GTF2IRD1: variants seen among roughly 807,000 people sequenced by gnomAD.
GTF2IRD1 encodes GTF2I repeat domain containing 1, also known as general transcription factor II-I repeat domain-containing protein 1.
GTF2IRD1 carries 26 observed loss-of-function variants against 113.2 expected under a neutral mutation model. The ratio of observed to expected loss-of-function variants is 0.23; its 90% CI spans 0.17 to 0.32. The LOEUF is 0.32. Ranked by LOEUF, GTF2IRD1 falls within the 10% of genes least tolerant of loss-of-function variation. GTF2IRD1 has a pLI of 1.00. For missense variants in GTF2IRD1, 864 were observed against 1,280.8 expected, an observed-to-expected ratio of 0.67 and a Z score of 4.97; for synonymous variants, 484 against 529.1, an observed-to-expected ratio of 0.91 and a Z score of 1.17.
chr7:74,490,771 C>T (rs1050850182), intron 1 of GTF2IRD1, among the ~76,000 whole-genome samples: 19 of 151,834 alleles, frequency 1.3e-4, no homozygotes, highest in African/African-American at 3.9e-4. Context: ...ATCACAGAGA[C>T]GCTTCTCTGG....
chr7:74,555,341 TC>T lies in GTF2IRD1; in HGVS notation c.1967-93del. ...TGCTCCCATCCTGGCCCTGGCATTC[TC>T]CCCACACCCCCACATTGGGTTTCCC... is the stretch of plus-strand genomic sequence containing the variant. On this transcript the variant is annotated intron_variant, in intron 18 of 26. Coordinates refer to ENST00000424337, the MANE Select transcript of GTF2IRD1 (RefSeq NM_005685.4). The surrounding 1 kb of genome is among the most constrained non-coding windows in gnomAD (Gnocchi z 5.3). 6.8e-7 allele frequency: 1 copy of T among 1,463,064 alleles called. No homozygotes were observed. Among genetic ancestry groups the T allele is most frequent in the Non-Finnish European group, 9.6e-7 (1 of 1,044,066 alleles). 90.6% of individuals were successfully genotyped at this position (1,463,064 alleles called of 1,614,324 possible).
chr7:74,461,728 G>T (rs1240127995), intron 1 of GTF2IRD1, among the ~76,000 whole-genome samples: 3 of 152,080 alleles, frequency 2.0e-5, no homozygotes, highest in African/African-American at 7.2e-5. Flanking sequence ...ATGGGTGCAT[G>T]CCACCTCGCC....
At chr7:74,562,555 CTTTTT>C (rs1167468655) in intron 22 of GTF2IRD1, among the ~76,000 whole-genome samples, 1 of 62,702 alleles carries the variant, frequency 1.6e-5, no homozygotes, top group African/African-American at 8.0e-5. Flanking sequence ...CAATTGCCCT[CTTTTT>C]TTTTTTTTTT....
chr7:74,464,377 TG>T (rs1474506077), intron 1 of GTF2IRD1, among the ~76,000 whole-genome samples: 1 of 151,154 alleles, frequency 6.6e-6, no homozygotes, highest in African/African-American at 2.5e-5. Flanking sequence ...TGGAGCTTCC[TG>T]GGTGATCACA....
chr7:74,562,279 A>G (rs587728152), intron 22 of GTF2IRD1, among the ~76,000 whole-genome samples: 1 of 152,300 alleles, frequency 6.6e-6, no homozygotes, highest in South Asian at 2.1e-4. Flanking sequence ...CAGGTGTCCC[A>G]GGGCAGGTGG....
chr7:74,501,764 G>T (rs1451529844), intron 1 of GTF2IRD1, among the ~76,000 whole-genome samples: 1 of 152,138 alleles, frequency 6.6e-6, no homozygotes, highest in Non-Finnish European at 1.5e-5. Flanking sequence ...CGATTCTCCT[G>T]TCTCAGCCAC....
intron 22 of GTF2IRD1, among the ~76,000 whole-genome samples, chr7:74,574,991 G>A (rs1554364021): frequency 6.6e-6 from 1 of 152,118 alleles, no homozygotes. Context: ...TTGGGAGGCT[G>A]AGGCAGGAGA....
At chr7:74,525,113 T>C (rs1554346954) in intron 8 of GTF2IRD1, among the ~76,000 whole-genome samples, 1 of 152,270 alleles carries the variant, frequency 6.6e-6, no homozygotes, top group South Asian at 2.1e-4. Context: ...GTTGGCCTCA[T>C]GTGCAAGTCC....
chr7:74,565,609 G>A (rs999957503), intron 22 of GTF2IRD1, among the ~76,000 whole-genome samples: 8 of 152,076 alleles, frequency 5.3e-5, no homozygotes, highest in Admixed American at 3.9e-4. Flanking sequence ...TGACTAAGGC[G>A]GGAGAAACCC....
intron 1 of GTF2IRD1, among the ~76,000 whole-genome samples, chr7:74,456,233 GC>G (rs1476562689): frequency 2.0e-5 from 3 of 152,164 alleles, no homozygotes; most frequent in African/African-American, 4.8e-5. Flanking sequence ...TTTGGTGACA[GC>G]TTGGTTGTTG....
intron 1 of GTF2IRD1, among the ~76,000 whole-genome samples, chr7:74,480,486 C>T (rs782697106): frequency 6.6e-6 from 1 of 152,220 alleles, no homozygotes; most frequent in Non-Finnish European, 1.5e-5. Context: ...GGAGAGTCCC[C>T]GCCGGCTGAC....
At chr7:74,568,616 C>G (rs1800488958) in intron 22 of GTF2IRD1, among the ~76,000 whole-genome samples, 1 of 151,970 alleles carries the variant, frequency 6.6e-6, no homozygotes, top group African/African-American at 2.4e-5. Context: ...CCACTGCACT[C>G]CAGCCTGTGC....
chr7:74,545,415 T>C (rs1460156696), intron 15 of GTF2IRD1, among the ~76,000 whole-genome samples: 4 of 152,034 alleles, frequency 2.6e-5, no homozygotes, highest in Non-Finnish European at 4.4e-5. Context: ...TTTGCAGGCT[T>C]AGTGGGTACC....
intron 1 of GTF2IRD1, among the ~76,000 whole-genome samples, chr7:74,470,253 GAGAT>G (rs1451040746): frequency 6.6e-6 from 1 of 152,136 alleles, no homozygotes; most frequent in Non-Finnish European, 1.5e-5. Flanking sequence ...TCAAAGTGCT[GAGAT>G]AGATAAGCAT....
chr7:74,589,980 T>TG, intron 23 of GTF2IRD1, 52 bp downstream of exon 23: 5 of 1,210,012 alleles, frequency 4.1e-6, no homozygotes, highest in Non-Finnish European at 4.9e-6. Context: ...CCGGGGGTGG[T>TG]GGGGGGCCTC....
At chr7:74,499,170 G>A (rs782091950) in intron 1 of GTF2IRD1, among the ~76,000 whole-genome samples, 2 of 152,216 alleles carry the variant, frequency 1.3e-5, no homozygotes, top group Non-Finnish European at 2.9e-5. Context: ...CACCCAGGCT[G>A]TGTTCCTCCC....
At chr7:74,589,642 G>C (rs1801933995) in intron 22 of GTF2IRD1, among the ~76,000 whole-genome samples, 1 of 151,470 alleles carries the variant, frequency 6.6e-6, no homozygotes, top group African/African-American at 2.4e-5. Context: ...AGGTTGCAGT[G>C]AGCTGAGATC....
Position 74,544,747 on chromosome 7 carries a change from T to A in GTF2IRD1, c.1619-8T>A. ...TGTGGCTTCCCGGCATCCTCTGTTC[T>A]CTTTTAGACAAAGGTCTGAGTGAGG... On this transcript the variant is annotated splice_region_variant and splice_polypyrimidine_tract_variant and intron_variant, in intron 14 of 26. Transcript: ENST00000424337. 1 of 1,613,520 alleles carries A rather than the reference T, an allele frequency of 6.2e-7. No homozygotes were observed. Among genetic ancestry groups the A allele is most frequent in the Non-Finnish European group, 8.5e-7 (1 of 1,179,756 alleles).
chr7:74,577,375 T>C (rs1279584177), intron 22 of GTF2IRD1, among the ~76,000 whole-genome samples: 2 of 152,148 alleles, frequency 1.3e-5, no homozygotes, highest in African/African-American at 4.8e-5. Flanking sequence ...CAATTTTCCC[T>C]GCTTTCTCTC....
Sources: allele counts gnomAD v4.1 joint callset (sites outside exome capture counted in the v4.1 genomes callset), GRCh38; gene constraint gnomAD v4.1.1; non-coding constraint Gnocchi (gnomAD v3.1); transcripts MANE v1.5; gene names NCBI Gene and HGNC (gene_info 2026-07-23, HGNC 2026-07-21).